The following ZNF492 variants were observed in gnomAD, a reference collection of about 807,000 sequenced individuals.
ZNF492 encodes the protein zinc finger protein 115 (Y20).
Under a neutral mutation model 6.4 loss-of-function variants are expected in ZNF492, and 3 were observed. The observed-to-expected ratio is 0.47, with a 90% CI of 0.21 to 1.22. The LOEUF is 1.22. Among genes scored for constraint, ZNF492 ranks in the 50% most tolerant of loss-of-function variants. ZNF492 has a pLI of 0.22. For missense variants in ZNF492, 356 were observed against 612.5 expected, an observed-to-expected ratio of 0.58 and a Z score of 4.42; for synonymous variants, 112 against 205.3, an observed-to-expected ratio of 0.55 and a Z score of 3.89.
chr19:22,641,223 A>G (rs1468867776), intron 1 of ZNF492, among the ~76,000 whole-genome samples: 1 of 152,228 alleles, frequency 6.6e-6, no homozygotes, highest in South Asian at 2.1e-4. Flanking sequence ...TAACTTTTCA[A>G]TGTAAGCATT....
At chr19:22,651,551 C>CAGAGTA (rs1207408192) in intron 1 of ZNF492, among the ~76,000 whole-genome samples, 18 of 151,948 alleles carry the variant, frequency 1.2e-4, no homozygotes, top group Non-Finnish European at 2.2e-4. Flanking sequence ...AAAAATATTT[C>CAGAGTA]TTTCCTACAT....
intron 1 of ZNF492, among the ~76,000 whole-genome samples, chr19:22,650,219 A>G (rs991830245): frequency 3.9e-5 from 6 of 152,102 alleles, no homozygotes; most frequent in African/African-American, 1.4e-4. Context: ...TTCAGGCCCT[A>G]TTTATCTGGT....
rs1483404239 is a variant in ZNF492 at position 22,665,138 on chromosome 19, C to G, written c.1469C>G (p.Ser490Cys). ...EECGKAFNNS[S>C]ILNRHKMIHT... is the part of the protein sequence containing the mutation. The stretch of plus-strand genomic sequence containing the variant: ...TGTGGCAAAGCCTTTAACAACTCCT[C>G]TATTCTTAACAGACATAAGATGATT... Residue 490 changes from serine (S) to cysteine (C), a missense_variant, in exon 4 of 4, where the codon TCT (serine) becomes TGT (cysteine). By Grantham distance (112) the Ser-to-Cys change is moderately radical. Coordinates refer to ENST00000456783, the MANE Select transcript of ZNF492 (RefSeq NM_020855.3). 13 of 1,610,730 alleles carry G rather than the reference C, an allele frequency of 8.1e-6. No individual in the cohort carries two copies. Among genetic ancestry groups the G allele is most frequent in the East Asian group, 2.2e-5 (1 of 44,844 alleles).
chr19:22,647,254 G>GT (rs1210928590), intron 1 of ZNF492, among the ~76,000 whole-genome samples: 17 of 129,358 alleles, frequency 1.3e-4, no homozygotes, highest in East Asian at 1.3e-3. Context: ...TTGTTTGTTT[G>GT]TTGTTGTTTT....
intron 3 of ZNF492, among the ~76,000 whole-genome samples, chr19:22,658,868 C>G (rs1446636047): frequency 7.0e-6 from 1 of 142,414 alleles, no homozygotes; most frequent in Admixed American, 6.9e-5. Context: ...TATTAGTCTA[C>G]TTTTTCACCT....
Position 22,664,134 on chromosome 19 carries a change from C to G in ZNF492, c.465C>G (p.His155Gln), listed in dbSNP as rs200417843. 519 of 1,603,662 alleles carry G rather than the reference C, an allele frequency of 3.2e-4. No individual in the cohort carries two copies. The African/African-American group carries it at 6.3e-3, about 19-fold the overall frequency. Residue 155 changes from histidine (H) to glutamine (Q), a missense_variant, in exon 4 of 4, where the codon CAC becomes CAG. Physicochemically the swap from His to Gln is conservative, Grantham distance 24. Transcript: ENST00000456783. ...AAAAGTCATTTTGCATGCTTTCACA[C>G]TTAGCTCAACATAAAAGAATTCATA... ...ECEKSFCMLS[H>Q]LAQHKRIHSG...
In ZNF492 at chr19:22,652,826, G is replaced by A. The variant is rs370034809; in HGVS notation, c.-93-481G>A. On this transcript the variant is annotated intron_variant, in intron 1 of 3. Transcript: ENST00000456783. Reference sequence around the variant, plus strand: ...GGTCTCCTGACCTCGTGATCCACCCGCCTTAGCCTCCCAAAGTGCTGGGAT... The same window carrying A: ...GGTCTCCTGACCTCGTGATCCACCCACCTTAGCCTCCCAAAGTGCTGGGAT... Among the ~76,000 whole-genome samples the A allele has an allele frequency of 3.9e-5, 6 of 152,180 alleles. No homozygotes were observed. The East Asian group carries it at 7.7e-4, about 20-fold the overall frequency.
At chr19:22,638,754 TAAG>T (rs1485349541) in intron 1 of ZNF492, among the ~76,000 whole-genome samples, 1 of 152,198 alleles carries the variant, frequency 6.6e-6, no homozygotes, top group Non-Finnish European at 1.5e-5. Context: ...TTAGCTCTGT[TAAG>T]AAATATTTTT....
intron 3 of ZNF492, among the ~76,000 whole-genome samples, chr19:22,657,050 G>A (rs1972003342): frequency 6.6e-6 from 1 of 152,082 alleles, no homozygotes; most frequent in Non-Finnish European, 1.5e-5. Context: ...TCTTAGTGAT[G>A]TCACTCTTCC....
chr19:22,662,240 A>G (rs1172549869), intron 3 of ZNF492, among the ~76,000 whole-genome samples: 1 of 152,116 alleles, frequency 6.6e-6, no homozygotes, highest in Non-Finnish European at 1.5e-5. Context: ...AGCTTCATCC[A>G]TGTCCCTGCA....
rs571281516 is a variant in ZNF492 at position 22,666,545 on chromosome 19, A to T, written c.*1280A>T. ...ATATGTGAAAGCATGTGACCAAAAG[A>T]TATGAGGATTATTTTTTATTAGGTG... On this transcript the variant is annotated 3_prime_UTR_variant, in exon 4 of 4. Transcript: ENST00000456783. 3.3e-5 allele frequency: 5 copies of T among 152,236 alleles called. No homozygotes were observed. Among genetic ancestry groups the T allele is most frequent in the South Asian group, 4.1e-4 (2 of 4,828 alleles). The allele number at this position is 152,236 out of a possible 1,614,324, so 9.4% of individuals were successfully genotyped here. A position where few individuals can be genotyped will look rare whatever the true frequency, so the allele number is the denominator to read the frequency against.
intron 1 of ZNF492, among the ~76,000 whole-genome samples, chr19:22,646,967 G>A (rs145069564): frequency 0.083 from 12,664 of 152,072 alleles, 1,633 homozygotes; most frequent in African/African-American, 0.28. Context: ...TCGGCTCACC[G>A]CAACCTCCGC....
intron 1 of ZNF492, among the ~76,000 whole-genome samples, chr19:22,637,338 T>C (rs1971779377): frequency 6.6e-6 from 1 of 152,034 alleles, no homozygotes; most frequent in Non-Finnish European, 1.5e-5. Flanking sequence ...TTGTCCAGAC[T>C]GGAGTGCAGT....
At chr19:22,655,129 C>T (rs1599400267) in intron 3 of ZNF492, among the ~76,000 whole-genome samples, 1 of 151,436 alleles carries the variant, frequency 6.6e-6, no homozygotes, top group African/African-American at 2.4e-5. Flanking sequence ...CCTGTCTCTA[C>T]TAAAAATACA....
rs200114791 is a variant in ZNF492, at chr19:22,637,468, G to A, written c.-94+2994G>A. Among the ~76,000 whole-genome samples, 32 of 151,800 alleles carry A rather than the reference G, an allele frequency of 2.1e-4. No homozygotes were observed. In the East Asian group the frequency reaches 5.3e-3, roughly 25 times the overall value. On this transcript the variant is annotated intron_variant, in intron 1 of 3. Transcript: ENST00000456783. Reference sequence around the variant, plus strand: ...CCACCAGGCCTGGCTAATTTTTTTGGTATTTTTTGTAGAGACAGGGTCTTG... The same window carrying A: ...CCACCAGGCCTGGCTAATTTTTTTGATATTTTTTGTAGAGACAGGGTCTTG...
At position 22,664,988 on chromosome 19, in the gene ZNF492, A is replaced by C. The variant is rs758811333; in HGVS notation, c.1319A>C (p.Lys440Thr). The change falls in exon 4 of 4, where the codon AAG becomes ACG. Residue 440 changes from lysine (K) to threonine (T), a missense_variant. This residue lies in a region of ZNF492 where 81 missense variants were observed against 115.4 expected (regional missense o/e 0.70). Transcript: ENST00000456783. ...CAGTCCTCAACTCTTTCTAAACATA[A>C]GGTAATTCATACTGGAGAGAAGCCC... ...FNQSSTLSKH[K>T]VIHTGEKPYK... 5 of 1,590,700 alleles carry C rather than the reference A, an allele frequency of 3.1e-6. No homozygotes were observed. The highest frequency in any genetic ancestry group is 3.4e-5 in the Admixed American group (2 of 58,878).
At position 22,656,130 on chromosome 19, in the gene ZNF492, A is replaced by C. The variant is rs527777302; in HGVS notation, c.130+2115A>C. On this transcript the variant is annotated intron_variant, in intron 3 of 3. Coordinates refer to ENST00000456783, the MANE Select transcript of ZNF492 (RefSeq NM_020855.3). ...GAGCCACCGCGCCTGGCCCTCTTCA[A>C]GTTTTTATAAATTGGTTTCAGAAAG... 4.4e-4 allele frequency among the ~76,000 whole-genome samples: 63 copies of C among 144,806 alleles called. 2 individuals are homozygous for C. Among genetic ancestry groups the C allele is most frequent in the African/African-American group, 1.6e-3 (57 of 36,594 alleles). The allele number at this position is 144,806 out of a possible 152,430, so 95.0% of individuals were successfully genotyped here. A position where few individuals can be genotyped will look rare whatever the true frequency, so the allele number is the denominator to read the frequency against.
At chr19:22,653,029 A>G (rs536938740) in intron 1 of ZNF492, among the ~76,000 whole-genome samples, 30 of 151,716 alleles carry the variant, frequency 2.0e-4, no homozygotes, top group Middle Eastern at 3.4e-3. Context: ...GCACTCAAAA[A>G]TGTACATGTT....
intron 3 of ZNF492, among the ~76,000 whole-genome samples, chr19:22,655,843 G>C (rs956249394): frequency 4.4e-5 from 1 of 22,568 alleles, no homozygotes; most frequent in African/African-American, 1.3e-4. Flanking sequence ...TTTTTTTTTT[G>C]AGACAGCGTC....
Sources: allele counts gnomAD v4.1 joint callset (sites outside exome capture counted in the v4.1 genomes callset), GRCh38; gene constraint gnomAD v4.1.1; regional missense constraint gnomAD v4.1.1; transcripts MANE v1.5; gene names NCBI Gene and HGNC (gene_info 2026-07-23, HGNC 2026-07-21).